Variants in PTPRH observed in about 807,000 individuals in gnomAD.
PTPRH encodes receptor-type tyrosine-protein phosphatase H.
A neutral mutation model predicts 130.2 loss-of-function variants in PTPRH; 113 were observed. That is an observed-to-expected ratio of 0.87 (90% CI 0.75 to 1.01). The LOEUF (loss-of-function observed/expected upper bound fraction) is 1.01, where lower values mean the gene tolerates loss of function less well. Among genes scored for constraint, PTPRH ranks in the 50% least tolerant of loss-of-function variants. The pLI is 0.00. For missense variants in PTPRH, 1,430 were observed against 1,425.0 expected (o/e 1.00, Z -0.06); for synonymous variants, 556 against 577.9 (o/e 0.96, Z 0.54).
chr19:55,181,566 C>T lies in PTPRH; in HGVS notation c.*188G>A. On this transcript the variant is annotated 3_prime_UTR_variant, in exon 20 of 20. Coordinates refer to ENST00000376350, the MANE Select transcript of PTPRH (RefSeq NM_002842.5). ...ACCAGGAATCCAGATCCCCAGCTCC[C>T]ATAGGACTCATCTGAAGCCCACCAG... 1.4e-6 allele frequency: 1 copy of T among 714,310 alleles called. No homozygotes were observed. Among genetic ancestry groups the T allele is most frequent in the Non-Finnish European group, 2.3e-6 (1 of 429,954 alleles). 44.2% of individuals were successfully genotyped at this position (714,310 alleles called of 1,614,324 possible). A position where few individuals can be genotyped will look rare whatever the true frequency, so the allele number is the denominator to read the frequency against.
chr19:55,204,148 CTCTG>C (rs1485974443), intron 4 of PTPRH, 100 bp from the exon 5 acceptor site: 2 of 1,310,784 alleles, frequency 1.5e-6, no homozygotes, highest in Non-Finnish European at 2.1e-6. Context: ...GAGACAGAGT[CTCTG>C]TCTGTCATCC....
rs1600056798 is a variant in PTPRH, at chr19:55,200,114, G to T, written c.1420+122C>A. 1.1e-5 allele frequency: 12 copies of T among 1,142,796 alleles called. No homozygotes were observed. In the East Asian group the frequency reaches 2.8e-4, roughly 26 times the overall value. The allele number at this position is 1,142,796 out of a possible 1,614,324, so 70.8% of individuals were successfully genotyped here. A position where few individuals can be genotyped will look rare whatever the true frequency, so the allele number is the denominator to read the frequency against. On this transcript the variant is annotated intron_variant, in intron 7 of 19. Transcript: ENST00000376350. ...GTGATTACATCTGTCCTGTGGACTT[G>T]GAGAGGCAGATGTCTGCAGAGCCTA... is the stretch of plus-strand genomic sequence containing the variant.
intron 8 of PTPRH, among the ~76,000 whole-genome samples, chr19:55,198,299 TG>T (rs1182149691): frequency 3.3e-5 from 5 of 152,092 alleles, no homozygotes; most frequent in African/African-American, 1.2e-4. Context: ...GGCTGAGAGG[TG>T]GGGCCCTCTC....
intron 7 of PTPRH, among the ~76,000 whole-genome samples, chr19:55,199,286 G>A (rs577109233): frequency 3.3e-5 from 5 of 152,200 alleles, no homozygotes; most frequent in Middle Eastern, 3.4e-3. Flanking sequence ...CAGCCTGGGA[G>A]ACAGAGCAGG....
rs761161533 is a variant in PTPRH at position 55,200,243 on chromosome 19, G to A, written c.1413C>T (p.Ile471=). Residue 471 remains isoleucine (I), a synonymous_variant, in exon 7 of 20, where the codon ATC becomes ATT. Coordinates refer to ENST00000376350, the MANE Select transcript of PTPRH (RefSeq NM_002842.5). The part of the protein sequence containing the change: ...GARGSRQNVS[I]STVPNAVTSL... ...GCCGTTGAGGGTTCCTACCTGTGGA[G>A]ATGCTGACATTCTGCCTGGAGCCAC... 6.2e-7 allele frequency: 1 copy of A among 1,614,246 alleles called. No homozygotes were observed. The highest frequency in any genetic ancestry group is 2.2e-5 in the East Asian group (1 of 44,890).
At chr19:55,187,676 C>T in intron 13 of PTPRH, 73 bp from the exon 14 acceptor site, 1 of 1,110,976 alleles carries the variant, frequency 9.0e-7, no homozygotes, top group South Asian at 1.2e-5. Flanking sequence ...CCCCGAGCTC[C>T]CCTTGCCTTC....
At chr19:55,183,104 A>C (rs1382282629) in intron 18 of PTPRH, among the ~76,000 whole-genome samples, 4 of 148,260 alleles carry the variant, frequency 2.7e-5, no homozygotes, top group Non-Finnish European at 4.5e-5. Flanking sequence ...TGAAAAAATT[A>C]GCTATTTTAG....
rs767397996 is a variant in PTPRH, at chr19:55,188,061, C to T, written c.2475+17G>A. The T allele has an allele frequency of 6.9e-6, 11 of 1,605,434 alleles. No individual in the cohort carries two copies. Among genetic ancestry groups the T allele is most frequent in the Non-Finnish European group, 9.4e-6 (11 of 1,172,176 alleles). On this transcript the variant is annotated intron_variant, in intron 13 of 19. Coordinates refer to ENST00000376350, the MANE Select transcript of PTPRH (RefSeq NM_002842.5). ...ACCGGAGGGAGACTGAGCTCAGCCC[C>T]TCTGTCCTCTCCCCACCTGGTACTC...
At chr19:55,205,206 T>C in intron 4 of PTPRH, 120 bp downstream of exon 4, 1 of 1,462,248 alleles carries the variant, frequency 6.8e-7, no homozygotes, top group Non-Finnish European at 9.3e-7. Flanking sequence ...CCCCAGGATG[T>C]GGACATGAGT....
chr19:55,202,211 T>C lies in PTPRH; in HGVS notation c.998A>G (p.Glu333Gly). 6.2e-7 allele frequency: 1 copy of C among 1,614,214 alleles called. No homozygotes were observed. The highest frequency in any genetic ancestry group is 8.5e-7 in the Non-Finnish European group (1 of 1,180,040). Residue 333 changes from glutamate (E) to glycine (G), a missense_variant, in exon 6 of 20, where the codon GAG becomes GGG. Transcript: ENST00000376350. Reference sequence around the variant, plus strand: ...TGCTCTGCCACCATCTCCAGTGTACTCAACCCCGTAGGTGGAGTTCTGTGG... The same window carrying C: ...TGCTCTGCCACCATCTCCAGTGTACCCAACCCCGTAGGTGGAGTTCTGTGG... ...PDPQNSTYGV[E>G]YTGDGGRAGT...
chr19:55,184,176 C>T (rs2086254477), intron 18 of PTPRH, among the ~76,000 whole-genome samples: 1 of 151,906 alleles, frequency 6.6e-6, no homozygotes, highest in Non-Finnish European at 1.5e-5. Flanking sequence ...CCCAGCTACT[C>T]AGGAGGCTGA....
At chr19:55,206,996 G>C (rs751990670) in intron 2 of PTPRH, 41 bp from the exon 3 acceptor site, 2 of 1,566,180 alleles carry the variant, frequency 1.3e-6, no homozygotes, top group Non-Finnish European at 1.7e-6. Context: ...AGGGAACCAG[G>C]TCAGTACAAT....
At position 55,188,154 on chromosome 19, in the gene PTPRH, A is replaced by T; in HGVS notation, c.2399T>A (p.Ile800Asn). The T allele has an allele frequency of 6.2e-7, 1 of 1,613,862 alleles. No homozygotes were observed. The highest frequency in any genetic ancestry group is 1.7e-5 in the Admixed American group (1 of 59,998). The stretch of plus-strand genomic sequence containing the variant: ...GTGGTCAGCGAAGTCTTCAGCTGGG[A>T]TGTCCCCTGGGGAGCTACGGGTTTT... ...RDLVFSSPGDIPAEDFADHVR... is the reference protein window; with the variant it reads ...RDLVFSSPGDNPAEDFADHVR... The change falls in exon 13 of 20, where the codon ATC (isoleucine) becomes AAC (asparagine). Residue 800 changes from isoleucine (I) to asparagine (N), a missense_variant. By Grantham distance (149) the Ile-to-Asn change is moderately radical. Coordinates refer to ENST00000376350, the MANE Select transcript of PTPRH (RefSeq NM_002842.5).
rs1422422634 is a variant in PTPRH at position 55,191,697 on chromosome 19, G to A, written c.2302C>T (p.Leu768Phe). 6.2e-7 allele frequency: 1 copy of A among 1,613,998 alleles called. No homozygotes were observed. Among genetic ancestry groups the A allele is most frequent in the Non-Finnish European group, 8.5e-7 (1 of 1,180,018 alleles). ...AGGAAGAAAATCAGCAGGCCCACGAGGATGAGAAACAGGAGGATGCCCACA... is the reference window on the plus strand; with the variant it reads ...AGGAAGAAAATCAGCAGGCCCACGAAGATGAGAAACAGGAGGATGCCCACA... ...AFVGILLFLI[L>F]VGLLIFFLKR... The change falls in exon 11 of 20, where the codon CTC (leucine) becomes TTC (phenylalanine). Residue 768 changes from leucine to phenylalanine, a missense_variant. By Grantham distance (22) the Leu-to-Phe change is conservative. Transcript: ENST00000376350.
chr19:55,200,125 T>C (rs1440403418), intron 7 of PTPRH, 111 bp downstream of exon 7: 2 of 1,242,700 alleles, frequency 1.6e-6, no homozygotes, highest in Non-Finnish European at 2.2e-6. Flanking sequence ...GAGAGGCAGA[T>C]GTCTGCAGAG....
chr19:55,184,805 T>C (rs2086271254), intron 18 of PTPRH, among the ~76,000 whole-genome samples: 2 of 150,652 alleles, frequency 1.3e-5, no homozygotes, highest in African/African-American at 4.9e-5. Context: ...TAAAATAAAA[T>C]AATAAAATAA....
intron 12 of PTPRH, among the ~76,000 whole-genome samples, chr19:55,188,488 G>A (rs2147414393): frequency 1.3e-5 from 2 of 152,290 alleles, no homozygotes; most frequent in East Asian, 3.9e-4. Context: ...ACTCCAGCCT[G>A]GGTGAAAGGG....
At chr19:55,199,040 C>T (rs1263259417) in intron 7 of PTPRH, 128 bp from the exon 8 acceptor site, 1 of 967,760 alleles carries the variant, frequency 1.0e-6, no homozygotes, top group East Asian at 3.2e-5. Flanking sequence ...CACAGTGGCT[C>T]AGGCCTGTAA....
chr19:55,197,844 A>T (rs1047043243), intron 8 of PTPRH, among the ~76,000 whole-genome samples: 1 of 151,906 alleles, frequency 6.6e-6, no homozygotes, highest in Admixed American at 6.6e-5. Context: ...GTGTCTTCTC[A>T]CTCTAGACAC....
Sources: allele counts gnomAD v4.1 joint callset (sites outside exome capture counted in the v4.1 genomes callset), GRCh38; gene constraint gnomAD v4.1.1; transcripts MANE v1.5; gene names NCBI Gene and HGNC (gene_info 2026-07-23, HGNC 2026-07-21).